Variants in JARID2 observed in about 807,000 individuals in gnomAD.
JARID2 encodes jumonji and AT-rich interaction domain containing 2.
Under a neutral mutation model 125.6 loss-of-function variants are expected in JARID2, and 21 were observed. The observed-to-expected ratio is 0.17, with a 90% confidence interval of 0.12 to 0.24. JARID2 has a LOEUF of 0.24. Ranked by LOEUF, JARID2 falls within the 10% of genes least tolerant of loss-of-function variation. The pLI is 1.00. For missense variants in JARID2, 1,303 were observed against 1,639.6 expected (o/e 0.79, Z 3.55); for synonymous variants, 736 against 661.6 (o/e 1.11, Z -1.73).
chr6:15,504,849 C>T (rs535731417), intron 9 of JARID2, among the ~76,000 whole-genome samples: 6 of 152,292 alleles, frequency 3.9e-5, no homozygotes, highest in East Asian at 3.9e-4. Flanking sequence ...GTTCTGGGCA[C>T]GTCCCCTGCT....
intron 3 of JARID2, among the ~76,000 whole-genome samples, chr6:15,449,683 A>T (rs1267964908): frequency 3.5e-5 from 5 of 144,072 alleles, no homozygotes; most frequent in Non-Finnish European, 6.1e-5. Context: ...GGTTAAAAAT[A>T]AAAAAAAAAA....
intron 1 of JARID2, among the ~76,000 whole-genome samples, chr6:15,343,558 T>C (rs1254390747): frequency 6.6e-6 from 1 of 152,168 alleles, no homozygotes; most frequent in Non-Finnish European, 1.5e-5. Flanking sequence ...AATTAGGCTA[T>C]TGTGCAGTCA....
At position 15,520,301 on chromosome 6, in the gene JARID2, T is replaced by C; in HGVS notation, c.*50T>C. The stretch of plus-strand genomic sequence containing the variant: ...TATATATATTTTTTTGTAATTATTA[T>C]ATTCTAGTTTGGAGTACTTGCTGTA... On this transcript the variant is annotated 3_prime_UTR_variant, in exon 18 of 18. Coordinates refer to ENST00000341776, the MANE Select transcript of JARID2 (RefSeq NM_004973.4). The C allele has an allele frequency of 7.2e-7, 1 of 1,394,100 alleles. No individual in the cohort carries two copies. Among genetic ancestry groups the C allele is most frequent in the South Asian group, 1.6e-5 (1 of 63,998 alleles). 86.4% of individuals were successfully genotyped at this position (1,394,100 alleles called of 1,614,324 possible).
At chr6:15,482,350 G>C (rs935993317) in intron 5 of JARID2, among the ~76,000 whole-genome samples, 9 of 152,140 alleles carry the variant, frequency 5.9e-5, no homozygotes, top group Non-Finnish European at 1.3e-4. Context: ...TTTTATTAAT[G>C]TGGATTATAT....
chr6:15,399,763 G>A (rs1217905876), intron 2 of JARID2, among the ~76,000 whole-genome samples: 1 of 152,166 alleles, frequency 6.6e-6, no homozygotes, highest in Non-Finnish European at 1.5e-5. Context: ...TAGGAAAGAA[G>A]AAACTGAAAG....
At chr6:15,291,890 A>C (rs1035851797) in intron 1 of JARID2, among the ~76,000 whole-genome samples, 1 of 152,078 alleles carries the variant, frequency 6.6e-6, no homozygotes, top group Non-Finnish European at 1.5e-5. Flanking sequence ...TTTACTGGAC[A>C]GTGTCATAGC....
chr6:15,514,877 C>G (rs1335532078), intron 16 of JARID2, among the ~76,000 whole-genome samples: 3 of 152,152 alleles, frequency 2.0e-5, no homozygotes, highest in Non-Finnish European at 4.4e-5. Flanking sequence ...TGCCTCCTGT[C>G]CTGTAGATTT....
intron 1 of JARID2, among the ~76,000 whole-genome samples, chr6:15,320,852 C>CTCTGTGTGTGTGTG (rs541608020): frequency 3.4e-4 from 49 of 145,410 alleles, no homozygotes; most frequent in Admixed American, 1.4e-3. Context: ...CTCTCTCTCT[C>CTCTGTGTGTGTGTG]TGTGTGTGTG....
intron 1 of JARID2, among the ~76,000 whole-genome samples, chr6:15,256,402 G>A (rs778946457): frequency 2.0e-5 from 3 of 152,200 alleles, no homozygotes; most frequent in Non-Finnish European, 2.9e-5. Flanking sequence ...GGGATAGATT[G>A]AGAATTAAGA....
At chr6:15,402,449 C>T (rs920201720) in intron 2 of JARID2, among the ~76,000 whole-genome samples, 1 of 152,154 alleles carries the variant, frequency 6.6e-6, no homozygotes, top group African/African-American at 2.4e-5. Flanking sequence ...TGGACATCTC[C>T]CTTTGAGAAG....
At chr6:15,492,723 G>A (rs1191947316) in intron 6 of JARID2, among the ~76,000 whole-genome samples, 4 of 152,156 alleles carry the variant, frequency 2.6e-5, no homozygotes, top group African/African-American at 9.7e-5. Context: ...CTCGTGGTGG[G>A]CATAGAACAC....
chr6:15,402,640 C>G (rs562901536), intron 2 of JARID2, among the ~76,000 whole-genome samples: 1 of 152,160 alleles, frequency 6.6e-6, no homozygotes, highest in African/African-American at 2.4e-5. Context: ...ATTGTTCTGC[C>G]GCTCATGGTT....
chr6:15,518,422 A>T (rs1388903000), intron 17 of JARID2, among the ~76,000 whole-genome samples: 1 of 152,200 alleles, frequency 6.6e-6, no homozygotes, highest in Non-Finnish European at 1.5e-5. Flanking sequence ...TGGAAACTGC[A>T]TACTCTGTAG....
At chr6:15,312,594 A>ATC (rs1762052351) in intron 1 of JARID2, among the ~76,000 whole-genome samples, 1 of 152,122 alleles carries the variant, frequency 6.6e-6, no homozygotes, top group African/African-American at 2.4e-5. Context: ...TGCCATATAG[A>ATC]TGGAAGCACT....
intron 2 of JARID2, among the ~76,000 whole-genome samples, chr6:15,388,046 G>A (rs2237159): frequency 0.5 from 75,801 of 151,924 alleles, 19,016 homozygotes; most frequent in South Asian, 0.58. Flanking sequence ...AGGATTTATT[G>A]ACGTTCTTTC....
chr6:15,259,570 A>C (rs1759793049), intron 1 of JARID2, among the ~76,000 whole-genome samples: 6 of 152,202 alleles, frequency 3.9e-5, no homozygotes, highest in Admixed American at 3.9e-4. Context: ...AGAGATGCCA[A>C]AAGAATGGTG....
chr6:15,488,265 A>G (rs1769979482), intron 6 of JARID2, among the ~76,000 whole-genome samples: 1 of 152,176 alleles, frequency 6.6e-6, no homozygotes, highest in African/African-American at 2.4e-5. Flanking sequence ...CCATTCCTGG[A>G]CATTGATTTC....
intron 1 of JARID2, among the ~76,000 whole-genome samples, chr6:15,368,438 C>T (rs1764051977): frequency 1.3e-5 from 2 of 152,178 alleles, no homozygotes; most frequent in Admixed American, 6.5e-5. Flanking sequence ...ACTGCAAACT[C>T]ATGAGATCCT....
At chr6:15,419,506 A>G (rs1487029761) in intron 3 of JARID2, among the ~76,000 whole-genome samples, 1 of 152,218 alleles carries the variant, frequency 6.6e-6, no homozygotes, top group African/African-American at 2.4e-5. Flanking sequence ...TAACATTTCT[A>G]ACATTAGGTC....
Sources: gnomAD v4.1 joint callset for allele counts (sites outside exome capture counted in the v4.1 genomes callset) on GRCh38, gnomAD v4.1.1 for gene constraint, MANE v1.5 for transcripts, NCBI Gene and HGNC (gene_info 2026-07-23, HGNC 2026-07-21) for gene names.